AKAP8L: variants seen among roughly 807,000 people sequenced by gnomAD.
AKAP8L encodes the protein A-kinase anchor protein 8-like.
Under a neutral mutation model 77.5 loss-of-function variants are expected in AKAP8L, and 34 were observed. The observed-to-expected ratio is 0.44, with a 90% CI of 0.33 to 0.58. AKAP8L has a LOEUF of 0.58. AKAP8L is among the 20% of genes least tolerant of loss of function. AKAP8L has a pLI of 0.02. For synonymous variants in AKAP8L, 342 were observed against 340.7 expected (o/e 1.00, Z -0.04); for missense variants, 806 against 887.6 (o/e 0.91, Z 1.17).
intron 12 of AKAP8L, among the ~76,000 whole-genome samples, chr19:15,391,107 A>T (rs1309182415): frequency 1.3e-5 from 2 of 152,142 alleles, no homozygotes; most frequent in African/African-American, 2.4e-5. Context: ...TGGAAAGGAG[A>T]AGTAAAACTA....
rs1453472467 is a variant in AKAP8L, at chr19:15,398,640, C to T, written c.1157+662G>A. 3.1e-5 allele frequency: 31 copies of T among 986,490 alleles called. No homozygotes were observed. The highest frequency in any genetic ancestry group is 2.4e-4 in the Admixed American group (4 of 16,360). The allele number at this position is 986,490 out of a possible 1,614,324, so 61.1% of individuals were successfully genotyped here. On this transcript the variant is annotated intron_variant, in intron 9 of 13. Transcript: ENST00000397410. This position sits in a 1 kb window ranked among gnomAD's most constrained non-coding sequence, Gnocchi z 9.2. Reference sequence around the variant, plus strand: ...GGGGCGGGTCCCTACCTCTGCCGGACGTCCTTATCTGGGCCACGGGGTCAG... The same window carrying T: ...GGGGCGGGTCCCTACCTCTGCCGGATGTCCTTATCTGGGCCACGGGGTCAG...
rs899355020 is a variant in AKAP8L at position 15,400,194 on chromosome 19, A to G, written c.1048+101T>C. 2.8e-5 allele frequency: 36 copies of G among 1,269,910 alleles called. 2 individuals are homozygous for G. Among genetic ancestry groups the G allele is most frequent in the African/African-American group, 1.9e-4 (13 of 67,872 alleles). 78.7% of individuals were successfully genotyped at this position (1,269,910 alleles called of 1,614,324 possible). A position where few individuals can be genotyped will look rare whatever the true frequency, so the allele number is the denominator to read the frequency against. ...CTCGGGCCCACAAGGGAGGTCCCCA[A>G]CTGGCCGCATGTCTGCCGCAACCCT... On this transcript the variant is annotated intron_variant, in intron 8 of 13. Coordinates refer to ENST00000397410, the MANE Select transcript of AKAP8L (RefSeq NM_014371.4).
chr19:15,386,036 G>A (rs1017739748), intron 12 of AKAP8L, among the ~76,000 whole-genome samples: 6 of 150,980 alleles, frequency 4.0e-5, no homozygotes, highest in East Asian at 3.9e-4. Context: ...TCAGCCTCTC[G>A]AGTAGCTGGG....
intron 2 of AKAP8L, among the ~76,000 whole-genome samples, chr19:15,408,605 C>CG (rs1968048380): frequency 6.7e-6 from 1 of 149,000 alleles, no homozygotes; most frequent in Admixed American, 6.7e-5. Context: ...AGAAAGAGGC[C>CG]GGGCGCGGTG....
intron 2 of AKAP8L, among the ~76,000 whole-genome samples, chr19:15,408,960 C>T (rs1215793008): frequency 6.6e-6 from 1 of 151,746 alleles, no homozygotes; most frequent in Non-Finnish European, 1.5e-5. Flanking sequence ...TATTTATATG[C>T]CATAGAAGAA....
In AKAP8L at chr19:15,397,390, C is replaced by G; in HGVS notation, c.1406-110G>C. The G allele has an allele frequency of 4.6e-6, 7 of 1,509,034 alleles. No homozygotes were observed. Among genetic ancestry groups the G allele is most frequent in the Non-Finnish European group, 6.3e-6 (7 of 1,103,324 alleles). 93.5% of individuals were successfully genotyped at this position (1,509,034 alleles called of 1,614,324 possible). On this transcript the variant is annotated intron_variant, in intron 11 of 13. Transcript: ENST00000397410. This position sits in a 1 kb window ranked among gnomAD's most constrained non-coding sequence, Gnocchi z 4.7. ...TCCTCAACTCGCCCTGCCACTTCCA[C>G]CTGGGCCTGAGCCAAGGCTGGTCTC...
intron 7 of AKAP8L, 102 bp from the exon 8 acceptor site, chr19:15,400,460 G>C: frequency 8.4e-7 from 1 of 1,191,152 alleles, no homozygotes. Flanking sequence ...ACAGCTGCTT[G>C]CTCCATAGAC....
In AKAP8L at chr19:15,397,455, G is replaced by T. The variant is rs1157953117; in HGVS notation, c.1405+65C>A. The T allele has an allele frequency of 2.6e-6, 4 of 1,522,774 alleles. No individual in the cohort carries two copies. The highest frequency in any genetic ancestry group is 3.6e-6 in the Non-Finnish European group (4 of 1,105,192). 94.3% of individuals were successfully genotyped at this position (1,522,774 alleles called of 1,614,324 possible). On this transcript the variant is annotated intron_variant, in intron 11 of 13. Coordinates refer to ENST00000397410, the MANE Select transcript of AKAP8L (RefSeq NM_014371.4). This position sits in a 1 kb window ranked among gnomAD's most constrained non-coding sequence, Gnocchi z 4.7. ...GGGAACAGAAGGGTGTCCTGACCCT[G>T]CACCGAAAATCAGGAGTGCAGGCTG...
chr19:15,403,481 C>T lies in AKAP8L; in HGVS notation c.356G>A (p.Gly119Glu). The change falls in exon 4 of 14, where the codon GGA becomes GAA. Residue 119 changes from glycine to glutamate, a missense_variant. By Grantham distance (98) the Gly-to-Glu change is moderately conservative. This residue lies in a region of AKAP8L where 580 missense variants were observed against 694.1 expected (regional missense o/e 0.84). Transcript: ENST00000397410. The surrounding 1 kb of genome is among the most constrained non-coding windows in gnomAD (Gnocchi z 4.3). ...TAGGCAGGTGTCCACTCACCTTTCTCCACCTGAGCCGTACACGCCTCCTTG... is the reference window on the plus strand; with the variant it reads ...TAGGCAGGTGTCCACTCACCTTTCTTCACCTGAGCCGTACACGCCTCCTTG... ...MMQGGVYGSG[G>E]ERYDSYESCD... is the part of the protein sequence containing the mutation. 2.5e-6 allele frequency: 4 copies of T among 1,613,958 alleles called. No homozygotes were observed. The highest frequency in any genetic ancestry group is 1.1e-5 in the South Asian group (1 of 91,082).
At chr19:15,392,514 G>A (rs959175260) in intron 12 of AKAP8L, among the ~76,000 whole-genome samples, 2 of 151,108 alleles carry the variant, frequency 1.3e-5, no homozygotes, top group Non-Finnish European at 3.0e-5. Flanking sequence ...AAAAAAAAAA[G>A]TATTTTTATA....
chr19:15,414,059 CTTTTTT>C (rs755252182), intron 1 of AKAP8L, among the ~76,000 whole-genome samples: 26 of 119,986 alleles, frequency 2.2e-4, no homozygotes, highest in African/African-American at 8.2e-4. Flanking sequence ...ATGAATAATT[CTTTTTT>C]TTTTTTTTTT....
At chr19:15,418,200 T>A (rs541927683) in intron 1 of AKAP8L, among the ~76,000 whole-genome samples, 2 of 152,222 alleles carry the variant, frequency 1.3e-5, no homozygotes, top group Non-Finnish European at 2.9e-5. Context: ...TACACTCGCT[T>A]ATTTGCCTAT....
rs1055075567 is a variant in AKAP8L at position 15,399,235 on chromosome 19, G to A, written c.1157+67C>T. 8.5e-6 allele frequency: 12 copies of A among 1,414,580 alleles called. No homozygotes were observed. The African/African-American group carries it at 1.5e-4, about 18-fold the overall frequency. 87.6% of individuals were successfully genotyped at this position (1,414,580 alleles called of 1,614,324 possible). A position where few individuals can be genotyped will look rare whatever the true frequency, so the allele number is the denominator to read the frequency against. ...GAGGGCGGCGAGCTGGCAGAGCTAT[G>A]GCCCTGCTCTCCTGGCGGCAGCCCC... On this transcript the variant is annotated intron_variant, in intron 9 of 13. Coordinates refer to ENST00000397410, the MANE Select transcript of AKAP8L (RefSeq NM_014371.4). This position sits in a 1 kb window ranked among gnomAD's most constrained non-coding sequence, Gnocchi z 6.1.
intron 1 of AKAP8L, among the ~76,000 whole-genome samples, chr19:15,415,688 C>T (rs1313604367): frequency 2.0e-5 from 3 of 152,018 alleles, no homozygotes; most frequent in Non-Finnish European, 2.9e-5. Flanking sequence ...AGATCAAGAC[C>T]ATCCTGGCTA....
intron 12 of AKAP8L, among the ~76,000 whole-genome samples, chr19:15,382,342 C>T (rs907045938): frequency 2.0e-5 from 3 of 151,900 alleles, no homozygotes; most frequent in African/African-American, 4.8e-5. Context: ...GCTAGGACTA[C>T]GGGCACGCAC....
At chr19:15,400,093 GCCTCC>G (rs2145131025) in intron 8 of AKAP8L, 197 bp downstream of exon 8, 2 of 613,418 alleles carry the variant, frequency 3.3e-6, no homozygotes, top group Admixed American at 5.8e-5. Context: ...ACCATCCACA[GCCTCC>G]GCCTGGGAAG....
At chr19:15,393,780 C>T (rs1375350803) in intron 12 of AKAP8L, among the ~76,000 whole-genome samples, 3 of 151,772 alleles carry the variant, frequency 2.0e-5, no homozygotes, top group Admixed American at 6.6e-5. Context: ...ATTAGCCAGG[C>T]GTGGTGGCAC....
At position 15,398,704 on chromosome 19, in the gene AKAP8L, C is replaced by A; in HGVS notation, c.1157+598G>T. 3.0e-6 allele frequency: 3 copies of A among 988,404 alleles called. No homozygotes were observed. Among genetic ancestry groups the A allele is most frequent in the Non-Finnish European group, 3.6e-6 (3 of 832,002 alleles). The allele number at this position is 988,404 out of a possible 1,614,324, so 61.2% of individuals were successfully genotyped here. ...GCCCAGGGGCCGGGCGCCGGCGAGG[C>A]TGAGGAAGGTCCAGCAAGAGCAAGA... On this transcript the variant is annotated intron_variant, in intron 9 of 13. Transcript: ENST00000397410. This position sits in a 1 kb window ranked among gnomAD's most constrained non-coding sequence, Gnocchi z 9.2.
Position 15,403,890 on chromosome 19 carries a change from G to A in AKAP8L, c.121+120C>T, listed in dbSNP as rs1227907015. 1.6e-6 allele frequency: 2 copies of A among 1,258,010 alleles called. No individual in the cohort carries two copies. The highest frequency in any genetic ancestry group is 1.3e-5 in the South Asian group (1 of 74,932). The allele number at this position is 1,258,010 out of a possible 1,614,324, so 77.9% of individuals were successfully genotyped here. A position where few individuals can be genotyped will look rare whatever the true frequency, so the allele number is the denominator to read the frequency against. Reference sequence around the variant, plus strand: ...GATGAGGGCCTCCTGTTAAGGAGTAGGTAACCCCAGAAACATGCCCCCTCC... The same window carrying A: ...GATGAGGGCCTCCTGTTAAGGAGTAAGTAACCCCAGAAACATGCCCCCTCC... On this transcript the variant is annotated intron_variant, in intron 3 of 13. Transcript: ENST00000397410. This position sits in a 1 kb window ranked among gnomAD's most constrained non-coding sequence, Gnocchi z 4.3.
Sources: gnomAD v4.1 joint callset for allele counts (sites outside exome capture counted in the v4.1 genomes callset) on GRCh38, gnomAD v4.1.1 for gene constraint, gnomAD v4.1.1 regional missense constraint, Gnocchi (gnomAD v3.1) non-coding constraint, MANE v1.5 for transcripts, NCBI Gene and HGNC (gene_info 2026-07-23, HGNC 2026-07-21) for gene names.